TPRG1: variants seen among roughly 807,000 people sequenced by gnomAD.
TPRG1 encodes tumor protein p63-regulated gene 1 protein.
TPRG1 carries 29 observed loss-of-function variants against 29.3 expected under a neutral mutation model. That is an observed-to-expected ratio of 0.99 (90% CI 0.74 to 1.35). The LOEUF is 1.35. Ranked by LOEUF, TPRG1 falls within the 40% of genes most tolerant of loss-of-function variation. The probability of loss-of-function intolerance (pLI) is 0.00; values close to 1 mark genes in which losing one functional copy is unlikely to be tolerated. For missense variants in TPRG1, 327 were observed against 335.0 expected, an observed-to-expected ratio of 0.98 and a Z score of 0.19; for synonymous variants, 130 against 116.8, an observed-to-expected ratio of 1.11 and a Z score of -0.73.
chr3:189,140,470 A>G (rs1160348637), intron 3 of TPRG1, among the ~76,000 whole-genome samples: 2 of 152,128 alleles, frequency 1.3e-5, no homozygotes, highest in African/African-American at 2.4e-5. Context: ...AATCATTGCT[A>G]TTACTTAGTA....
chr3:189,250,651 A>C (rs1023619965), intron 4 of TPRG1, among the ~76,000 whole-genome samples: 5 of 151,428 alleles, frequency 3.3e-5, no homozygotes, highest in African/African-American at 1.2e-4. Flanking sequence ...CAGCAGGCAG[A>C]GAAAAGAGTA....
intron 4 of TPRG1, among the ~76,000 whole-genome samples, chr3:189,043,447 G>A (rs554085319): frequency 6.6e-6 from 1 of 152,266 alleles, no homozygotes; most frequent in South Asian, 2.1e-4. Flanking sequence ...CAAATGACAA[G>A]GTTGGACTGC....
intron 3 of TPRG1, among the ~76,000 whole-genome samples, chr3:189,237,784 C>T (rs1739767260): frequency 2.0e-5 from 3 of 152,150 alleles, no homozygotes; most frequent in Non-Finnish European, 2.9e-5. Flanking sequence ...GCCATTTACA[C>T]ATTAGATTGA....
intron 1 of TPRG1, among the ~76,000 whole-genome samples, chr3:188,998,678 G>C (rs904928487): frequency 1.3e-5 from 2 of 152,214 alleles, no homozygotes; most frequent in African/African-American, 2.4e-5. Flanking sequence ...GCAGCAACAT[G>C]GATGGAACTG....
chr3:189,296,805 G>A (rs1320356059), intron 4 of TPRG1, among the ~76,000 whole-genome samples: 1 of 152,114 alleles, frequency 6.6e-6, no homozygotes, highest in Non-Finnish European at 1.5e-5. Flanking sequence ...TAAAAGTGTT[G>A]TATCACTGTA....
intron 4 of TPRG1, among the ~76,000 whole-genome samples, chr3:189,281,818 C>T (rs536085108): frequency 2.0e-5 from 3 of 152,146 alleles, no homozygotes; most frequent in Admixed American, 6.5e-5. Context: ...TCTTCTTTTA[C>T]TCCAAGGTCT....
At chr3:189,283,360 C>T (rs1213064914) in intron 4 of TPRG1, among the ~76,000 whole-genome samples, 1 of 152,190 alleles carries the variant, frequency 6.6e-6, no homozygotes, top group Non-Finnish European at 1.5e-5. Context: ...TCCTATGTGA[C>T]TCTCATGTTT....
intron 4 of TPRG1, among the ~76,000 whole-genome samples, chr3:189,243,124 G>T (rs1740880233): frequency 6.6e-6 from 1 of 152,148 alleles, no homozygotes; most frequent in Non-Finnish European, 1.5e-5. Context: ...TAGTTCTGCA[G>T]GTTATACAGG....
intron 4 of TPRG1, among the ~76,000 whole-genome samples, chr3:189,086,391 C>T (rs1717940907): frequency 6.6e-6 from 1 of 151,360 alleles, no homozygotes; most frequent in Non-Finnish European, 1.5e-5. Flanking sequence ...CACTCTCTTT[C>T]CCAGGCTCCC....
chr3:189,113,781 C>T (rs760485237), intron 1 of TPRG1, among the ~76,000 whole-genome samples: 28 of 141,066 alleles, frequency 2.0e-4, no homozygotes, highest in East Asian at 1.4e-3. Flanking sequence ...GGTGGGGGGA[C>T]GGGGGACGGA....
intron 1 of TPRG1, among the ~76,000 whole-genome samples, chr3:189,115,614 G>A (rs537414881): frequency 3.1e-4 from 47 of 152,210 alleles, no homozygotes; most frequent in Non-Finnish European, 5.4e-4. Context: ...TGCCAGGATT[G>A]TAGGCCTGGG....
chr3:189,287,523 G>T (rs552293444), intron 4 of TPRG1, among the ~76,000 whole-genome samples: 15 of 151,014 alleles, frequency 9.9e-5, no homozygotes. Flanking sequence ...TCAGCCTCCC[G>T]AGTAGCTGGG....
intron 4 of TPRG1, among the ~76,000 whole-genome samples, chr3:189,054,602 TAC>T (rs139002334): frequency 6.6e-6 from 1 of 151,684 alleles, no homozygotes; most frequent in Non-Finnish European, 1.5e-5. Flanking sequence ...CAACAATGTC[TAC>T]ACACACACAC....
chr3:189,294,758 A>G (rs1015939221), intron 4 of TPRG1, among the ~76,000 whole-genome samples: 12 of 151,898 alleles, frequency 7.9e-5, no homozygotes, highest in Non-Finnish European at 1.6e-4. Flanking sequence ...TGTGTAGACC[A>G]TGTTCCCTTT....
At chr3:189,190,751 G>A (rs1280157525) in intron 1 of TPRG1, among the ~76,000 whole-genome samples, 1 of 152,068 alleles carries the variant, frequency 6.6e-6, no homozygotes, top group Non-Finnish European at 1.5e-5. Context: ...GAAGTTGAGA[G>A]GTATGATTAC....
chr3:189,020,553 C>T (rs1100314), intron 3 of TPRG1, among the ~76,000 whole-genome samples: 2 of 150,938 alleles, frequency 1.3e-5, no homozygotes, highest in Non-Finnish European at 2.9e-5. Context: ...GATTGAGATT[C>T]TTAATCCTGA....
chr3:189,297,518 G>T (rs1720150498), intron 4 of TPRG1, among the ~76,000 whole-genome samples: 1 of 152,054 alleles, frequency 6.6e-6, no homozygotes, highest in South Asian at 2.1e-4. Flanking sequence ...TCTTAGGTGG[G>T]GTTAGGATCA....
At chr3:189,290,880 G>C (rs1718877125) in intron 4 of TPRG1, among the ~76,000 whole-genome samples, 1 of 152,070 alleles carries the variant, frequency 6.6e-6, no homozygotes, top group Non-Finnish European at 1.5e-5. Flanking sequence ...TAGTTTAGTT[G>C]AAAAATCTTT....
intron 5 of TPRG1, among the ~76,000 whole-genome samples, chr3:189,162,861 A>G (rs375438624): frequency 4.2e-4 from 64 of 152,366 alleles, no homozygotes; most frequent in African/African-American, 1.5e-3. Flanking sequence ...GAGTTATTGT[A>G]GAAACTAACT....
Sources: allele counts gnomAD v4.1 joint callset (sites outside exome capture counted in the v4.1 genomes callset), GRCh38; gene constraint gnomAD v4.1.1; transcripts MANE v1.5; gene names NCBI Gene and HGNC (gene_info 2026-07-23, HGNC 2026-07-21).